TBC1D9: variants seen among roughly 807,000 people sequenced by gnomAD.
TBC1D9 encodes TBC1 domain family member 9, also known as TBC1 domain family member 9A.
TBC1D9 carries 63 observed loss-of-function variants against 132.0 expected under a neutral mutation model. The observed-to-expected ratio is 0.48, with a 90% CI of 0.39 to 0.59. The LOEUF (loss-of-function observed/expected upper bound fraction) is 0.59, where lower values mean the gene tolerates loss of function less well. Ranked by LOEUF, TBC1D9 falls within the 20% of genes least tolerant of loss-of-function variation. TBC1D9 has a pLI of 0.00. For synonymous variants in TBC1D9, 610 were observed against 609.9 expected (o/e 1.00, Z 0.00); for missense variants, 1,261 against 1,592.7 (o/e 0.79, Z 3.54).
At chr4:140,711,766 A>G (rs1738246700) in intron 1 of TBC1D9, among the ~76,000 whole-genome samples, 1 of 152,228 alleles carries the variant, frequency 6.6e-6, no homozygotes, top group African/African-American at 2.4e-5. Flanking sequence ...AAACAGCACA[A>G]AACTAATTAC....
At position 140,679,935 on chromosome 4, in the gene TBC1D9, TA is replaced by T. The variant is rs35543802; in HGVS notation, c.361-93del. 7.1e-3 allele frequency: 6,072 copies of T among 849,478 alleles called. 1 individual carries two copies. The highest frequency in any genetic ancestry group is 8.7e-3 in the South Asian group (332 of 38,266). 52.6% of individuals were successfully genotyped at this position (849,478 alleles called of 1,614,324 possible). ...AAGAAAAAATTTCTAAGGCTAGAATTAAAAAAAAAAATTGAGGAATGCCCTT... is the reference window on the plus strand; with the variant it reads ...AAGAAAAAATTTCTAAGGCTAGAATTAAAAAAAAAATTGAGGAATGCCCTT... On this transcript the variant is annotated intron_variant, in intron 3 of 20. Coordinates refer to ENST00000442267, the MANE Select transcript of TBC1D9 (RefSeq NM_015130.3).
Position 140,731,668 on chromosome 4 carries a change from T to TACAC in TBC1D9, c.130+24244_130+24247dup, listed in dbSNP as rs56768107. 2.9e-3 allele frequency among the ~76,000 whole-genome samples: 423 copies of TACAC among 147,178 alleles called. 2 individuals are homozygous for TACAC. Among genetic ancestry groups the TACAC allele is most frequent in the East Asian group, 0.014 (68 of 5,014 alleles). ...AATGGCACCATAGTTTTAAAACACA[T>TACAC]ACACACACACACACACACACACACA... On this transcript the variant is annotated intron_variant, in intron 1 of 20. Coordinates refer to ENST00000442267, the MANE Select transcript of TBC1D9 (RefSeq NM_015130.3).
intron 1 of TBC1D9, 48 bp downstream of exon 1, chr4:140,755,868 C>T: frequency 6.7e-7 from 1 of 1,493,384 alleles, no homozygotes; most frequent in Non-Finnish European, 8.9e-7. Context: ...CGGGCGGCGC[C>T]GCAGCGCTCC....
At chr4:140,642,419 T>C in intron 13 of TBC1D9, 1 of 882,708 alleles carries the variant, frequency 1.1e-6, no homozygotes, top group Non-Finnish European at 1.9e-6. Context: ...AGCACCTTCC[T>C]GTCCTTGCCC....
rs1198706476 is a variant in TBC1D9 at position 140,669,730 on chromosome 4, G to A, written c.1341C>T (p.Arg447=). 6.2e-7 allele frequency: 1 copy of A among 1,613,910 alleles called. No homozygotes were observed. Among genetic ancestry groups the A allele is most frequent in the African/African-American group, 1.3e-5 (1 of 74,936 alleles). The change falls in exon 8 of 21, where the codon CGC becomes CGT. Residue 447 remains arginine, a synonymous_variant. Coordinates refer to ENST00000442267, the MANE Select transcript of TBC1D9 (RefSeq NM_015130.3). ...CGCTGTTGCCATTTAGGTTAAACTG[G>A]CGCTCTCCATCAGCATCAGAGCTCG... The part of the protein sequence containing the change: ...RSTSSDADGE[R]QFNLNGNSVP...
chr4:140,683,113 G>A (rs556934328), intron 3 of TBC1D9, among the ~76,000 whole-genome samples: 128 of 152,120 alleles, frequency 8.4e-4, no homozygotes, highest in African/African-American at 3.0e-3. Context: ...CCTGACCTCA[G>A]GTGATCTGCC....
intron 1 of TBC1D9, among the ~76,000 whole-genome samples, chr4:140,754,642 A>AAAAAAG (rs1738976855): frequency 6.6e-6 from 1 of 150,456 alleles, no homozygotes; most frequent in Non-Finnish European, 1.5e-5. Context: ...AAAAAAAAAA[A>AAAAAAG]AGGACAATGT....
intron 16 of TBC1D9, among the ~76,000 whole-genome samples, chr4:140,632,096 T>C (rs1736803605): frequency 1.3e-5 from 2 of 152,200 alleles, no homozygotes; most frequent in Admixed American, 1.3e-4. Context: ...TCCAGTGTTT[T>C]CTCTATGCTG....
intron 1 of TBC1D9, among the ~76,000 whole-genome samples, chr4:140,732,905 G>A (rs1454302806): frequency 1.3e-5 from 2 of 152,156 alleles, no homozygotes; most frequent in Non-Finnish European, 2.9e-5. Flanking sequence ...ACATCATGGT[G>A]ACACTGTACA....
intron 13 of TBC1D9, chr4:140,643,709 C>T (rs1737050116): frequency 9.1e-6 from 11 of 1,205,550 alleles, no homozygotes; most frequent in South Asian, 9.0e-5. Flanking sequence ...CCAATGCGGC[C>T]GTGCAGGGTT....
rs552001358 is a variant in TBC1D9 at position 140,647,663 on chromosome 4, A to G, written c.2338-8235T>C. Reference sequence around the variant, plus strand: ...CTATTTCCTCACAAGCCTGACATTCAAAGAGCCCCGTGTGTCTTAGATCTA... The same window carrying G: ...CTATTTCCTCACAAGCCTGACATTCGAAGAGCCCCGTGTGTCTTAGATCTA... On this transcript the variant is annotated intron_variant, in intron 13 of 20. Transcript: ENST00000442267. 2.0e-5 allele frequency among the ~76,000 whole-genome samples: 3 copies of G among 152,320 alleles called. No homozygotes were observed. The South Asian group carries it at 6.2e-4, about 32-fold the overall frequency.
At position 140,693,946 on chromosome 4, in the gene TBC1D9, A is replaced by T. The variant is rs73859309; in HGVS notation, c.242-7484T>A. ...TCATTCAGCCTTGGCAATAAGAATC[A>T]GTAGTTAACATCCTTATTTTACTGG... On this transcript the variant is annotated intron_variant, in intron 2 of 20. Transcript: ENST00000442267. Among the ~76,000 whole-genome samples the T allele has an allele frequency of 6.3e-3, 954 of 152,338 alleles. 9 individuals are homozygous for T. Among genetic ancestry groups the T allele is most frequent in the African/African-American group, 0.022 (895 of 41,586 alleles).
At chr4:140,666,851 C>T (rs1395513056) in intron 9 of TBC1D9, among the ~76,000 whole-genome samples, 2 of 151,728 alleles carry the variant, frequency 1.3e-5, no homozygotes, top group African/African-American at 4.8e-5. Flanking sequence ...AAACACTCAA[C>T]ATTTCATAAT....
chr4:140,711,857 G>A (rs13131358), intron 1 of TBC1D9, among the ~76,000 whole-genome samples: 45,051 of 151,942 alleles, frequency 0.3, 7,873 homozygotes, highest in South Asian at 0.41. Context: ...TAATTTTAAA[G>A]AATACAAAAC....
rs577752257 is a variant in TBC1D9 at position 140,741,344 on chromosome 4, ATCCCTT to A, written c.130+14566_130+14571del. ...GGGGGAAATCTACATTTTGCAGAGA[ATCCCTT>A]TCCCTTTCCAAATCTCCTCCAGATC... On this transcript the variant is annotated intron_variant, in intron 1 of 20. Transcript: ENST00000442267. Among the ~76,000 whole-genome samples, 90 of 152,322 alleles carry A rather than the reference ATCCCTT, an allele frequency of 5.9e-4. 1 individual carries two copies. The East Asian group carries it at 0.011, about 19-fold the overall frequency.
intron 1 of TBC1D9, among the ~76,000 whole-genome samples, chr4:140,726,263 T>A (rs1738499607): frequency 6.6e-6 from 1 of 152,036 alleles, no homozygotes; most frequent in African/African-American, 2.4e-5. Flanking sequence ...AACTCCACCC[T>A]GGGCGACGGA....
intron 1 of TBC1D9, among the ~76,000 whole-genome samples, chr4:140,711,094 A>T (rs1738236289): frequency 2.0e-5 from 3 of 152,164 alleles, no homozygotes; most frequent in Non-Finnish European, 4.4e-5. Context: ...TGAAGTTATT[A>T]AAAAATTACG....
intron 3 of TBC1D9, among the ~76,000 whole-genome samples, chr4:140,680,690 C>T (rs901205973): frequency 5.9e-5 from 9 of 152,248 alleles, no homozygotes; most frequent in Middle Eastern, 3.4e-3. Context: ...GTGCTCCCAC[C>T]GCATCACTGT....
rs1560440 is a variant in TBC1D9 at position 140,622,843 on chromosome 4, G to A, written c.3153C>T (p.His1051=). Residue 1051 remains histidine, a synonymous_variant, in exon 21 of 21, where the codon CAC becomes CAT. Transcript: ENST00000442267. ...GGAGGCTGGTCACTGCTGCCGTGGC[G>A]TGGTACAGCTCCTGCTCATTGGGGT... ...SEDPNEQELY[H]ATAAVTSLLL... is the part of the protein sequence containing the mutation. 0.78 allele frequency: 1,239,843 copies of A among 1,593,040 alleles called. 484,301 individuals carry two copies. Among genetic ancestry groups the A allele is most frequent in the African/African-American group, 0.9 (66,999 of 74,774 alleles).
Sources: gnomAD v4.1 joint callset for allele counts (sites outside exome capture counted in the v4.1 genomes callset) on GRCh38, gnomAD v4.1.1 for gene constraint, MANE v1.5 for transcripts, NCBI Gene and HGNC (gene_info 2026-07-23, HGNC 2026-07-21) for gene names.